Variants in UPF2 observed in about 807,000 individuals in gnomAD.
UPF2 encodes regulator of nonsense transcripts 2.
A neutral mutation model predicts 141.4 loss-of-function variants in UPF2; 17 were observed. That is an observed-to-expected ratio of 0.12 (90% CI 0.08 to 0.18). UPF2 has a LOEUF of 0.18. Ranked by LOEUF, UPF2 falls within the 10% of genes least tolerant of loss-of-function variation. The probability of loss-of-function intolerance (pLI) is 1.00; values close to 1 mark genes in which losing one functional copy is unlikely to be tolerated. For missense variants in UPF2, 1,152 were observed against 1,515.9 expected, an observed-to-expected ratio of 0.76 and a Z score of 3.99; for synonymous variants, 540 against 498.0, an observed-to-expected ratio of 1.08 and a Z score of -1.12.
In UPF2 at chr10:12,016,277, T is replaced by G. The variant is rs1316763399; in HGVS notation, c.1146-2093A>C. Among the ~76,000 whole-genome samples, 1 of 152,156 alleles carries G rather than the reference T, an allele frequency of 6.6e-6. No homozygotes were observed. Among genetic ancestry groups the G allele is most frequent in the African/African-American group, 2.4e-5 (1 of 41,456 alleles). On this transcript the variant is annotated intron_variant, in intron 3 of 21. Transcript: ENST00000357604. The surrounding 1 kb of genome is among the most constrained non-coding windows in gnomAD (Gnocchi z 4.1). ...GGGAGTCTGGCTATGTTGGCCAAGC[T>G]GGTCTCAAACTCCTGGCCTCAAGCA...
Position 11,980,550 on chromosome 10 carries a change from T to C in UPF2, c.1845-1385A>G, listed in dbSNP as rs193286488. Among the ~76,000 whole-genome samples, 50 of 152,036 alleles carry C rather than the reference T, an allele frequency of 3.3e-4. No homozygotes were observed. The highest frequency in any genetic ancestry group is 5.3e-4 in the Non-Finnish European group (36 of 67,982). On this transcript the variant is annotated intron_variant, in intron 8 of 21. Transcript: ENST00000357604. The surrounding 1 kb of genome is among the most constrained non-coding windows in gnomAD (Gnocchi z 4.2). ...CACCTGGAGACCAGCCTGGCCAATA[T>C]GGTGAAACCCCATCTCTACCAAAAA... is the stretch of plus-strand genomic sequence containing the variant.
intron 2 of UPF2, among the ~76,000 whole-genome samples, chr10:12,032,235 G>A (rs927098992): frequency 6.6e-6 from 1 of 151,704 alleles, no homozygotes; most frequent in Admixed American, 6.6e-5. Context: ...TGGAGGTTAC[G>A]GTGAGCCGAG....
intron 10 of UPF2, 53 bp downstream of exon 10, chr10:11,967,288 A>T: frequency 9.5e-7 from 1 of 1,057,018 alleles, no homozygotes; most frequent in Non-Finnish European, 1.3e-6. Flanking sequence ...CACCATTTAT[A>T]ATTAAAACTT....
intron 10 of UPF2, among the ~76,000 whole-genome samples, chr10:11,964,633 T>C (rs935240130): frequency 3.3e-5 from 5 of 152,232 alleles, no homozygotes; most frequent in African/African-American, 9.6e-5. Flanking sequence ...TTGGTTCTTC[T>C]GGCTTACTAG....
At chr10:11,950,067 T>A (rs1564341640) in intron 15 of UPF2, among the ~76,000 whole-genome samples, 1 of 151,994 alleles carries the variant, frequency 6.6e-6, no homozygotes, top group African/African-American at 2.4e-5. Flanking sequence ...ACAAAAAAAA[T>A]TTAAAAAGAG....
chr10:11,993,188 T>C (rs1164204519), intron 8 of UPF2, among the ~76,000 whole-genome samples: 2 of 140,706 alleles, frequency 1.4e-5, no homozygotes, highest in African/African-American at 5.3e-5. Context: ...GCAATCATAA[T>C]CATTAATATC....
intron 3 of UPF2, among the ~76,000 whole-genome samples, chr10:12,024,931 C>CAAAAAAAAAAA (rs61678431): frequency 3.7e-5 from 2 of 53,488 alleles, no homozygotes; most frequent in Non-Finnish European, 6.4e-5. Context: ...GACCCTGTTA[C>CAAAAAAAAAAA]AAAAAAAAAA....
In UPF2 at chr10:11,980,644, A is replaced by G. The variant is rs1364958799; in HGVS notation, c.1845-1479T>C. 6.6e-6 allele frequency among the ~76,000 whole-genome samples: 1 copy of G among 152,048 alleles called. No homozygotes were observed. The highest frequency in any genetic ancestry group is 1.9e-4 in the East Asian group (1 of 5,142). Reference sequence around the variant, plus strand: ...GCTACTCGGGAGACTGAGGCAGGAGAATCACTTGAACCCAGGAGGCAGAGG... The same window carrying G: ...GCTACTCGGGAGACTGAGGCAGGAGGATCACTTGAACCCAGGAGGCAGAGG... On this transcript the variant is annotated intron_variant, in intron 8 of 21. Coordinates refer to ENST00000357604, the MANE Select transcript of UPF2 (RefSeq NM_015542.4). This position sits in a 1 kb window ranked among gnomAD's most constrained non-coding sequence, Gnocchi z 4.2.
chr10:11,983,664 G>GC, intron 8 of UPF2, among the ~76,000 whole-genome samples: 1 of 152,150 alleles, frequency 6.6e-6, no homozygotes, highest in East Asian at 1.9e-4. Context: ...GAGCCACCGT[G>GC]CCCGGCCTTG....
intron 3 of UPF2, among the ~76,000 whole-genome samples, chr10:12,027,152 A>G (rs1220053991): frequency 6.6e-6 from 1 of 152,174 alleles, no homozygotes; most frequent in Non-Finnish European, 1.5e-5. Context: ...CCTAGCCCAT[A>G]GTGTTTCCAA....
At chr10:11,947,151 G>A (rs775869622) in intron 16 of UPF2, among the ~76,000 whole-genome samples, 2 of 152,142 alleles carry the variant, frequency 1.3e-5, no homozygotes, top group Non-Finnish European at 2.9e-5. Context: ...ACGGTGAGCC[G>A]AGATCATGCC....
rs1832955756 is a variant in UPF2 at position 11,943,054 on chromosome 10, C to T, written c.3279+10G>A. On this transcript the variant is annotated intron_variant, in intron 17 of 21. Coordinates refer to ENST00000357604, the MANE Select transcript of UPF2 (RefSeq NM_015542.4). ...CAATTTCAAAAAGTAAATTTTTCAG[C>T]CATACGTACAGTATTCTCTTCATCG... 1.3e-6 allele frequency: 2 copies of T among 1,585,114 alleles called. No homozygotes were observed. The highest frequency in any genetic ancestry group is 1.7e-6 in the Non-Finnish European group (2 of 1,159,998).
At chr10:11,942,395 CT>C (rs758853615) in intron 18 of UPF2, among the ~76,000 whole-genome samples, 88 of 152,048 alleles carry the variant, frequency 5.8e-4, no homozygotes, top group Non-Finnish European at 9.9e-4. Flanking sequence ...AGAAATATGA[CT>C]TAAGAAATAA....
intron 8 of UPF2, among the ~76,000 whole-genome samples, chr10:11,983,273 T>C (rs60131495): frequency 0.1 from 15,399 of 152,250 alleles, 861 homozygotes; most frequent in East Asian, 0.19. Flanking sequence ...ATTCACATAG[T>C]TACTTACTCT....
chr10:11,952,520 T>G (rs977893762), intron 14 of UPF2, among the ~76,000 whole-genome samples: 33 of 142,392 alleles, frequency 2.3e-4, no homozygotes, highest in Admixed American at 1.2e-3. Context: ...TGTCACCCAG[T>G]CTGGAGTGCA....
At chr10:12,034,168 T>C (rs1483964022) in intron 2 of UPF2, among the ~76,000 whole-genome samples, 1 of 152,188 alleles carries the variant, frequency 6.6e-6, no homozygotes, top group Non-Finnish European at 1.5e-5. Flanking sequence ...ATCATAAAAC[T>C]TACTTCACTG....
At chr10:11,988,681 C>T (rs573502863) in intron 8 of UPF2, among the ~76,000 whole-genome samples, 1 of 152,260 alleles carries the variant, frequency 6.6e-6, no homozygotes, top group South Asian at 2.1e-4. Flanking sequence ...GCCAGGATGC[C>T]AAAAGGTGAT....
At chr10:11,942,944 T>C (rs917863615) in intron 17 of UPF2, 120 bp downstream of exon 17, 2 of 918,350 alleles carry the variant, frequency 2.2e-6, no homozygotes, top group African/African-American at 3.4e-5. Context: ...AAATTGAAAA[T>C]GAATTTCTAA....
intron 3 of UPF2, among the ~76,000 whole-genome samples, chr10:12,028,526 T>C (rs1358329938): frequency 6.6e-6 from 1 of 152,146 alleles, no homozygotes; most frequent in Non-Finnish European, 1.5e-5. Flanking sequence ...CACCATCTAC[T>C]TGGCAGATTT....
Sources: allele counts gnomAD v4.1 joint callset (sites outside exome capture counted in the v4.1 genomes callset), GRCh38; gene constraint gnomAD v4.1.1; non-coding constraint Gnocchi (gnomAD v3.1); transcripts MANE v1.5; gene names NCBI Gene and HGNC (gene_info 2026-07-23, HGNC 2026-07-21).